ATAD2: variants seen among roughly 807,000 people sequenced by gnomAD.
The protein encoded by ATAD2 is ATPase family AAA domain-containing protein 2.
A neutral mutation model predicts 168.9 loss-of-function variants in ATAD2; 62 were observed. The observed-to-expected ratio is 0.37, with a 90% confidence interval of 0.30 to 0.45. The LOEUF (loss-of-function observed/expected upper bound fraction) is 0.45, where lower values mean the gene tolerates loss of function less well. Among genes scored for constraint, ATAD2 ranks in the 20% least tolerant of loss-of-function variants. ATAD2 has a pLI of 1.00. For missense variants in ATAD2, 1,419 were observed against 1,667.8 expected, an observed-to-expected ratio of 0.85 and a Z score of 2.60; for synonymous variants, 613 against 571.6, an observed-to-expected ratio of 1.07 and a Z score of -1.03.
rs551351143 is a variant in ATAD2, at chr8:123,386,380, C to T, written c.172-5703G>A. 3.8e-4 allele frequency among the ~76,000 whole-genome samples: 58 copies of T among 152,256 alleles called. 1 individual carries two copies. In the South Asian group the frequency reaches 0.012, roughly 32 times the overall value. On this transcript the variant is annotated intron_variant, in intron 1 of 27. Transcript: ENST00000287394. ...TAACACATGCTACAATATGGATGAA[C>T]TCTGAAGATATGCTAAGTGAAATAA...
At chr8:123,382,780 A>T (rs1400783884) in intron 1 of ATAD2, among the ~76,000 whole-genome samples, 1 of 152,242 alleles carries the variant, frequency 6.6e-6, no homozygotes, top group African/African-American at 2.4e-5. Flanking sequence ...TGTGGAAGAC[A>T]GTGTGGCGAT....
intron 1 of ATAD2, among the ~76,000 whole-genome samples, chr8:123,383,242 G>A (rs1829543100): frequency 1.3e-5 from 2 of 152,040 alleles, no homozygotes; most frequent in African/African-American, 2.4e-5. Context: ...AATACCTAAC[G>A]TAGATGACAG....
At chr8:123,332,772 G>A (rs575760128) in intron 24 of ATAD2, among the ~76,000 whole-genome samples, 1 of 152,146 alleles carries the variant, frequency 6.6e-6, no homozygotes, top group South Asian at 2.1e-4. Flanking sequence ...TCTTGTACAT[G>A]TCTTTTGGTG....
At chr8:123,384,017 G>T (rs1829573606) in intron 1 of ATAD2, among the ~76,000 whole-genome samples, 2 of 151,568 alleles carry the variant, frequency 1.3e-5, no homozygotes, top group South Asian at 4.2e-4. Flanking sequence ...GGAGGCAGAG[G>T]TTGCAGTGAG....
At chr8:123,371,877 A>G (rs1829160096) in intron 3 of ATAD2, 42 bp from the exon 4 acceptor site, 3 of 1,438,008 alleles carry the variant, frequency 2.1e-6, no homozygotes, top group Non-Finnish European at 2.8e-6. Context: ...AACATTTGAA[A>G]TAATAGTATT....
In ATAD2 at chr8:123,346,646, CT is replaced by C; in HGVS notation, c.2316del (p.Asp773ThrfsTer8). ...GLSQKSSHKA[K>X]DNFNFLHLNR... ...TTCAAATGAAGAAAATTAAAATTGT[CT>C]TTTGCCTTATGAGAAGATTTCTGAG... is the stretch of plus-strand genomic sequence containing the variant. On this transcript the variant is annotated frameshift_variant, in exon 17 of 28. Coordinates refer to ENST00000287394, the MANE Select transcript of ATAD2 (RefSeq NM_014109.4). LOFTEE classifies it high-confidence loss of function. 6.3e-7 allele frequency: 1 copy of C among 1,577,396 alleles called. No individual in the cohort carries two copies. Among genetic ancestry groups the C allele is most frequent in the Non-Finnish European group, 8.6e-7 (1 of 1,160,838 alleles).
At chr8:123,376,966 C>G (rs776902793) in intron 2 of ATAD2, among the ~76,000 whole-genome samples, 1 of 151,810 alleles carries the variant, frequency 6.6e-6, no homozygotes, top group Non-Finnish European at 1.5e-5. Context: ...GTAGGGCATG[C>G]CTGTAATCCC....
chr8:123,335,612 A>C (rs1827893253), intron 22 of ATAD2, among the ~76,000 whole-genome samples: 1 of 152,206 alleles, frequency 6.6e-6, no homozygotes, highest in Admixed American at 6.5e-5. Flanking sequence ...TAAGCACCCA[A>C]GAAAGAACAT....
chr8:123,350,830 T>C (rs538991535), intron 13 of ATAD2, among the ~76,000 whole-genome samples: 1 of 152,010 alleles, frequency 6.6e-6, no homozygotes, highest in African/African-American at 2.4e-5. Context: ...GTTTACGCCA[T>C]TCTCCTGCCT....
chr8:123,385,187 A>G (rs1056218354), intron 1 of ATAD2, among the ~76,000 whole-genome samples: 1 of 152,192 alleles, frequency 6.6e-6, no homozygotes, highest in Non-Finnish European at 1.5e-5. Flanking sequence ...GTTATTGATG[A>G]GCATGCTAAC....
At chr8:123,362,349 C>G (rs1489841501) in intron 8 of ATAD2, among the ~76,000 whole-genome samples, 2 of 148,448 alleles carry the variant, frequency 1.3e-5, no homozygotes, top group African/African-American at 4.9e-5. Flanking sequence ...AAACTATTTT[C>G]AATATTACAC....
intron 1 of ATAD2, chr8:123,380,944 G>C (rs1466415227): frequency 8.2e-6 from 3 of 365,090 alleles, no homozygotes; most frequent in South Asian, 7.5e-5. Context: ...ATAAAAAGTA[G>C]TCTAGAGAGT....
chr8:123,339,185 A>G (rs1827999948), intron 20 of ATAD2, 126 bp downstream of exon 20: 1 of 816,418 alleles, frequency 1.2e-6, no homozygotes. Context: ...ATTTTTAAGC[A>G]GCAGATGCAT....
At chr8:123,354,864 A>AAAAAAAATAAATATATATATATATAT in intron 13 of ATAD2, among the ~76,000 whole-genome samples, 1 of 64,714 alleles carries the variant, frequency 1.5e-5, no homozygotes, top group African/African-American at 8.7e-5. Flanking sequence ...AAAAAAAAAA[A>AAAAAAAATAAATATATATATATATAT]ATATATATAT....
intron 6 of ATAD2, 128 bp downstream of exon 6, chr8:123,370,769 TTTTAAG>T (rs1316246003): frequency 3.1e-6 from 2 of 640,906 alleles, no homozygotes; most frequent in Non-Finnish European, 5.2e-6. Context: ...CTTTCCCCAC[TTTTAAG>T]TTACCAATCC....
At chr8:123,401,889 G>T in intron 1 of ATAD2, 1 of 766,030 alleles carries the variant, frequency 1.3e-6, no homozygotes. Context: ...ATCACACAGG[G>T]TGTCTCGGGC....
chr8:123,372,541 TAAACATGTA>T, intron 3 of ATAD2, 87 bp downstream of exon 3: 1 of 935,272 alleles, frequency 1.1e-6, no homozygotes, highest in Non-Finnish European at 1.6e-6. Flanking sequence ...TTATACACTT[TAAACATGTA>T]AAATTTATTG....
At chr8:123,340,726 A>T (rs193016303) in intron 19 of ATAD2, among the ~76,000 whole-genome samples, 1 of 152,354 alleles carries the variant, frequency 6.6e-6, no homozygotes, top group Admixed American at 6.5e-5. Flanking sequence ...TATTCAAATT[A>T]TATGAGGTAC....
At position 123,369,044 on chromosome 8, in the gene ATAD2, T is replaced by C. The variant is rs761855951; in HGVS notation, c.1049+14A>G. 6.9e-6 allele frequency: 10 copies of C among 1,455,250 alleles called. No individual in the cohort carries two copies. In the East Asian group the frequency reaches 1.6e-4, roughly 24 times the overall value. 90.1% of individuals were successfully genotyped at this position (1,455,250 alleles called of 1,614,324 possible). A position where few individuals can be genotyped will look rare whatever the true frequency, so the allele number is the denominator to read the frequency against. ...TTATGTTGTCATAAATCAATCACTA[T>C]ATCAGAACCAAACCTGTTCATTCGT... On this transcript the variant is annotated intron_variant, in intron 8 of 27. Transcript: ENST00000287394.
Sources: allele counts gnomAD v4.1 joint callset (sites outside exome capture counted in the v4.1 genomes callset), GRCh38; gene constraint gnomAD v4.1.1; transcripts MANE v1.5; gene names NCBI Gene and HGNC (gene_info 2026-07-23, HGNC 2026-07-21).